The following KCNH5 variants were observed in gnomAD, a reference collection of about 807,000 sequenced individuals.
KCNH5 encodes the protein potassium voltage-gated channel subfamily H member 5.
KCNH5 carries 46 observed loss-of-function variants against 96.1 expected under a neutral mutation model. The observed-to-expected ratio is 0.48, with a 90% CI of 0.38 to 0.61. The LOEUF is 0.61. Ranked by LOEUF, KCNH5 falls within the 20% of genes least tolerant of loss-of-function variation. KCNH5 has a pLI of 0.00. For missense variants in KCNH5, 907 were observed against 1,225.8 expected (o/e 0.74, Z 3.88); for synonymous variants, 439 against 449.8 (o/e 0.98, Z 0.30).
intron 7 of KCNH5, among the ~76,000 whole-genome samples, chr14:62,889,776 T>C (rs947167667): frequency 6.6e-6 from 1 of 152,214 alleles, no homozygotes; most frequent in Admixed American, 6.5e-5. Context: ...TTATCCTGCA[T>C]AGTACTATTG....
At chr14:62,892,937 CAAG>C in intron 7 of KCNH5, among the ~76,000 whole-genome samples, 2 of 152,218 alleles carry the variant, frequency 1.3e-5, no homozygotes, top group East Asian at 3.9e-4. Context: ...CAGAGATGTA[CAAG>C]AAGATGAATA....
intron 10 of KCNH5, among the ~76,000 whole-genome samples, chr14:62,753,723 C>T (rs1490054016): frequency 6.6e-6 from 1 of 152,068 alleles, no homozygotes; most frequent in Non-Finnish European, 1.5e-5. Context: ...AACCCTTTTA[C>T]CCTAGAATAG....
intron 7 of KCNH5, among the ~76,000 whole-genome samples, chr14:62,885,397 C>G (rs984362311): frequency 2.6e-5 from 4 of 152,128 alleles, no homozygotes; most frequent in Non-Finnish European, 5.9e-5. Flanking sequence ...TGACCAGGCT[C>G]ATAAATAATC....
At chr14:62,940,709 T>C (rs1176366419) in intron 7 of KCNH5, among the ~76,000 whole-genome samples, 2 of 152,224 alleles carry the variant, frequency 1.3e-5, no homozygotes, top group East Asian at 1.9e-4. Flanking sequence ...AAGTCCTGCC[T>C]CATTTACCTA....
At chr14:62,840,070 G>A (rs776111981) in intron 8 of KCNH5, among the ~76,000 whole-genome samples, 2 of 151,882 alleles carry the variant, frequency 1.3e-5, no homozygotes, top group Admixed American at 6.6e-5. Flanking sequence ...ATAAGAGCAG[G>A]GATTATGTTT....
intron 7 of KCNH5, among the ~76,000 whole-genome samples, chr14:62,921,745 C>G (rs1025158414): frequency 1.1e-4 from 17 of 152,194 alleles, no homozygotes; most frequent in Admixed American, 9.2e-4. Flanking sequence ...TCACGACTGA[C>G]CTGGCTCTTG....
At chr14:62,816,454 C>A (rs1886980901) in intron 8 of KCNH5, among the ~76,000 whole-genome samples, 1 of 151,410 alleles carries the variant, frequency 6.6e-6, no homozygotes, top group Non-Finnish European at 1.5e-5. Context: ...ACAAAGCAGA[C>A]CCTGATCGAT....
chr14:62,771,302 A>G (rs557980337), intron 10 of KCNH5, among the ~76,000 whole-genome samples: 2 of 152,300 alleles, frequency 1.3e-5, no homozygotes, highest in Non-Finnish European at 2.9e-5. Context: ...TAACCTGTGC[A>G]TTGAACTAAG....
chr14:62,929,529 T>C (rs906708365), intron 7 of KCNH5, among the ~76,000 whole-genome samples: 2 of 152,114 alleles, frequency 1.3e-5, no homozygotes, highest in Non-Finnish European at 2.9e-5. Flanking sequence ...ATTACCTTTC[T>C]GACTTCGTCC....
chr14:62,965,515 G>A (rs1399603416), intron 6 of KCNH5, among the ~76,000 whole-genome samples: 2 of 152,064 alleles, frequency 1.3e-5, no homozygotes, highest in African/African-American at 4.8e-5. Flanking sequence ...AGAATCCAGG[G>A]CCATGCTCTT....
chr14:62,902,719 CT>C (rs34264011), intron 7 of KCNH5, among the ~76,000 whole-genome samples: 33,255 of 144,606 alleles, frequency 0.23, 3,717 homozygotes, highest in East Asian at 0.34. Context: ...ATATCTATGT[CT>C]TTTTTTTTTT....
intron 2 of KCNH5, 105 bp downstream of exon 2, chr14:63,016,726 A>G: frequency 9.4e-7 from 1 of 1,066,820 alleles, no homozygotes; most frequent in Non-Finnish European, 1.3e-6. Flanking sequence ...ATAATTTTTA[A>G]CTCTATGGTT....
intron 8 of KCNH5, among the ~76,000 whole-genome samples, chr14:62,848,163 G>T (rs1003063382): frequency 2.6e-5 from 4 of 152,158 alleles, no homozygotes; most frequent in Admixed American, 6.5e-5. Flanking sequence ...GGAAAGGAAA[G>T]CTTCTTGCTG....
chr14:62,826,893 A>C (rs1887239076), intron 8 of KCNH5, among the ~76,000 whole-genome samples: 1 of 152,080 alleles, frequency 6.6e-6, no homozygotes, highest in Non-Finnish European at 1.5e-5. Context: ...GAATTTAAAC[A>C]TGAAACGACT....
chr14:63,032,524 T>C (rs1048243306), intron 1 of KCNH5, among the ~76,000 whole-genome samples: 2 of 152,204 alleles, frequency 1.3e-5, no homozygotes, highest in African/African-American at 4.8e-5. Flanking sequence ...CACTAACTTT[T>C]TCTAAAAGGA....
rs35528081 is a variant in KCNH5 at position 62,851,498 on chromosome 14, T to TAAAA, written c.1370-1650_1370-1647dup. Among the ~76,000 whole-genome samples, 7 of 114,192 alleles carry TAAAA rather than the reference T, an allele frequency of 6.1e-5. 1 individual carries two copies. Among genetic ancestry groups the TAAAA allele is most frequent in the East Asian group, 2.6e-4 (1 of 3,830 alleles). 74.9% of individuals were successfully genotyped at this position (114,192 alleles called of 152,430 possible). A position where few individuals can be genotyped will look rare whatever the true frequency, so the allele number is the denominator to read the frequency against. On this transcript the variant is annotated intron_variant, in intron 7 of 10. Coordinates refer to ENST00000322893, the MANE Select transcript of KCNH5 (RefSeq NM_139318.5). Reference sequence around the variant, plus strand: ...TATTAAAAGATATAGAGGTCTTTCCTAAAAAAAAAAAAAAAAACCTAAAGG... The same window carrying TAAAA: ...TATTAAAAGATATAGAGGTCTTTCCTAAAAAAAAAAAAAAAAAAAAACCTAAAGG...
intron 10 of KCNH5, among the ~76,000 whole-genome samples, chr14:62,758,824 C>G (rs1472895916): frequency 6.6e-6 from 1 of 152,110 alleles, no homozygotes; most frequent in Non-Finnish European, 1.5e-5. Context: ...TCATGTGGAG[C>G]TGGAACACAT....
At chr14:62,937,491 G>A (rs991843072) in intron 7 of KCNH5, among the ~76,000 whole-genome samples, 29 of 152,120 alleles carry the variant, frequency 1.9e-4, no homozygotes, top group African/African-American at 7.0e-4. Context: ...GCCACCCCTA[G>A]CCCACCTTCC....
intron 8 of KCNH5, among the ~76,000 whole-genome samples, chr14:62,810,725 T>A (rs1886856566): frequency 6.6e-6 from 1 of 152,082 alleles, no homozygotes; most frequent in South Asian, 2.1e-4. Flanking sequence ...CCACCCCTTG[T>A]TTAGAATATC....
Sources: allele counts gnomAD v4.1 joint callset (sites outside exome capture counted in the v4.1 genomes callset), GRCh38; gene constraint gnomAD v4.1.1; transcripts MANE v1.5; gene names NCBI Gene and HGNC (gene_info 2026-07-23, HGNC 2026-07-21).